The following TTC6 variants were observed in gnomAD, a reference collection of about 807,000 sequenced individuals.
The protein encoded by TTC6 is tetratricopeptide repeat protein 6.
In TTC6, 172 loss-of-function variants were observed where a neutral mutation model predicts 210.4. That is an observed-to-expected ratio of 0.82 (90% CI 0.72 to 0.93). TTC6 has a LOEUF of 0.93. TTC6 is among the 40% of genes least tolerant of loss of function. The probability of loss-of-function intolerance (pLI) is 0.00; values close to 1 mark genes in which losing one functional copy is unlikely to be tolerated. For synonymous variants in TTC6, 804 were observed against 819.6 expected, an observed-to-expected ratio of 0.98 and a Z score of 0.32; for missense variants, 2,414 against 2,318.1, an observed-to-expected ratio of 1.04 and a Z score of -0.85.
intron 2 of TTC6, among the ~76,000 whole-genome samples, chr14:37,614,622 C>A (rs893263148): frequency 1.3e-5 from 2 of 150,944 alleles, no homozygotes; most frequent in African/African-American, 4.9e-5. Context: ...AATTCCTATC[C>A]GCTGGTGAGT....
Position 37,702,495 on chromosome 14 carries a change from A to G in TTC6, c.1571+969A>G, listed in dbSNP as rs1016558673. Among the ~76,000 whole-genome samples, 6 of 152,162 alleles carry G rather than the reference A, an allele frequency of 3.9e-5. No homozygotes were observed. The East Asian group carries it at 1.2e-3, about 29-fold the overall frequency. On this transcript the variant is annotated intron_variant, in intron 5 of 30. Transcript: ENST00000553443. The stretch of plus-strand genomic sequence containing the variant: ...AAAGCACCAATTTTTACCTCCTGGG[A>G]GGGATATCACCTGCCCATTGAGAAT...
chr14:37,717,077 A>G (rs1394823640), intron 6 of TTC6, among the ~76,000 whole-genome samples: 1 of 152,100 alleles, frequency 6.6e-6, no homozygotes, highest in Non-Finnish European at 1.5e-5. Context: ...AATTTGTGGG[A>G]CATAGCTAAG....
At chr14:37,741,612 A>G (rs2095920083) in intron 10 of TTC6, among the ~76,000 whole-genome samples, 1 of 152,052 alleles carries the variant, frequency 6.6e-6, no homozygotes, top group African/African-American at 2.4e-5. Flanking sequence ...TCTTAATTTG[A>G]TAATTCACAG....
intron 14 of TTC6, among the ~76,000 whole-genome samples, chr14:37,756,214 G>A (rs921156948): frequency 6.6e-6 from 1 of 152,070 alleles, no homozygotes; most frequent in Non-Finnish European, 1.5e-5. Flanking sequence ...TCCTAAGACT[G>A]CTGAAGTTGC....
chr14:37,728,054 C>G (rs985285414), intron 7 of TTC6, among the ~76,000 whole-genome samples: 1 of 152,156 alleles, frequency 6.6e-6, no homozygotes, highest in East Asian at 1.9e-4. Flanking sequence ...TAACCTCGTA[C>G]TATTATTTTA....
chr14:37,689,154 T>C (rs943805027), intron 3 of TTC6, among the ~76,000 whole-genome samples: 1 of 150,744 alleles, frequency 6.6e-6, no homozygotes, highest in Non-Finnish European at 1.5e-5. Flanking sequence ...AATTCTGGAG[T>C]TGAAAAATGC....
chr14:37,841,070 T>C (rs112681284), intron 29 of TTC6, among the ~76,000 whole-genome samples: 10 of 152,322 alleles, frequency 6.6e-5, no homozygotes, highest in Admixed American at 5.2e-4. Context: ...GGTTTCCCCA[T>C]GTTGGCTAGG....
intron 1 of TTC6, among the ~76,000 whole-genome samples, chr14:37,634,802 G>A (rs1307546563): frequency 1.3e-5 from 2 of 152,152 alleles, no homozygotes; most frequent in East Asian, 1.9e-4. Context: ...AACTATTATC[G>A]TCAGAAGGCA....
At chr14:37,624,961 G>A (rs986187285) in intron 1 of TTC6, among the ~76,000 whole-genome samples, 1 of 152,020 alleles carries the variant, frequency 6.6e-6, no homozygotes. Context: ...CCTACATATT[G>A]TTTTATGTCG....
chr14:37,742,329 A>G (rs2095922681), intron 10 of TTC6, among the ~76,000 whole-genome samples: 1 of 151,470 alleles, frequency 6.6e-6, no homozygotes, highest in Admixed American at 6.6e-5. Flanking sequence ...AGCAGAATTT[A>G]TTTTCCTCCA....
upstream of TTC6, among the ~76,000 whole-genome samples, chr14:37,620,961 T>C (rs2095650103): frequency 6.6e-6 from 1 of 152,234 alleles, no homozygotes; most frequent in South Asian, 2.1e-4. Flanking sequence ...CTAGTCAATA[T>C]ATCAAGTTAC....
chr14:37,764,019 T>G (rs2095991756), intron 14 of TTC6, among the ~76,000 whole-genome samples: 1 of 152,112 alleles, frequency 6.6e-6, no homozygotes, highest in Non-Finnish European at 1.5e-5. Flanking sequence ...CAAAGTATTT[T>G]TTAATTTCCT....
At chr14:37,817,497 GGAAT>G (rs1157111658) in intron 25 of TTC6, 77 bp from the exon 28 acceptor site, 2 of 1,196,614 alleles carry the variant, frequency 1.7e-6, no homozygotes, top group African/African-American at 3.0e-5. Flanking sequence ...GTGTCATTGT[GGAAT>G]CACAGTTAGA....
chr14:37,651,412 T>C (rs1398367592), intron 1 of TTC6, among the ~76,000 whole-genome samples: 5 of 26,176 alleles, frequency 1.9e-4, no homozygotes, highest in Non-Finnish European at 3.5e-4. Context: ...TATATATATA[T>C]ATATATATAT....
chr14:37,660,220 T>G lies in TTC6; in HGVS notation c.940-19931T>G, dbSNP rs202233009. On this transcript the variant is annotated intron_variant, in intron 1 of 30. Transcript: ENST00000553443. ...GTATTGCCTAGGTTGTCTTCCAGGG[T>G]TTTTTTTTTAATTTTAATTTTTAGT... 2.7e-5 allele frequency among the ~76,000 whole-genome samples: 4 copies of G among 149,098 alleles called. No individual in the cohort carries two copies. In the East Asian group the frequency reaches 7.8e-4, roughly 29 times the overall value.
chr14:37,728,740 C>T (rs566956435), intron 7 of TTC6, among the ~76,000 whole-genome samples: 1 of 152,132 alleles, frequency 6.6e-6, no homozygotes, highest in East Asian at 1.9e-4. Context: ...TTTCTGTTCT[C>T]TTTTGTTAAC....
intron 14 of TTC6, among the ~76,000 whole-genome samples, chr14:37,774,811 G>A (rs2096032036): frequency 6.6e-6 from 1 of 152,136 alleles, no homozygotes; most frequent in Admixed American, 6.5e-5. Flanking sequence ...CAGTAGAAAT[G>A]GTACCAGCTC....
At chr14:37,627,772 A>G (rs565704154) in intron 1 of TTC6, among the ~76,000 whole-genome samples, 22 of 151,284 alleles carry the variant, frequency 1.5e-4, no homozygotes, top group Non-Finnish European at 3.2e-4. Flanking sequence ...ATATGTGTGC[A>G]TGTGTCTTTA....
chr14:37,639,221 T>C lies in TTC6; in HGVS notation c.939+16218T>C, dbSNP rs1165493552. On this transcript the variant is annotated intron_variant, in intron 1 of 30. Coordinates refer to ENST00000553443, the Ensembl canonical transcript of TTC6. ...TTTTCCTATCTTAGGAACATACTTT[T>C]GCACATTGAAGGTATAAATCAAATA... 7.9e-5 allele frequency among the ~76,000 whole-genome samples: 12 copies of C among 152,212 alleles called. 1 individual carries two copies. The highest frequency in any genetic ancestry group is 7.9e-4 in the Admixed American group (12 of 15,280).
Sources: gnomAD v4.1 joint callset for allele counts (sites outside exome capture counted in the v4.1 genomes callset) on GRCh38, gnomAD v4.1.1 for gene constraint, MANE v1.5 for transcripts, NCBI Gene and HGNC (gene_info 2026-07-23, HGNC 2026-07-21) for gene names.